APLF: variants seen among roughly 807,000 people sequenced by gnomAD.
APLF encodes the protein aprataxin and PNK-like factor.
A neutral mutation model predicts 55.6 loss-of-function variants in APLF; 61 were observed. That is an observed-to-expected ratio of 1.10 (90% CI 0.89 to 1.36). The LOEUF is 1.36. Ranked by LOEUF, APLF falls within the 40% of genes most tolerant of loss-of-function variation. The pLI, the probability that APLF is intolerant of heterozygous loss-of-function variation, is 0.00. For synonymous variants in APLF, 207 were observed against 214.8 expected, an observed-to-expected ratio of 0.96 and a Z score of 0.32; for missense variants, 611 against 602.5, an observed-to-expected ratio of 1.01 and a Z score of -0.15.
chr2:68,528,625 C>T, intron 6 of APLF: 1 of 1,533,642 alleles, frequency 6.5e-7, no homozygotes, highest in Non-Finnish European at 8.7e-7. Flanking sequence ...CTTTACCCAG[C>T]ACCTTCAAGG....
chr2:68,468,530 CATACATT>C (rs1675506681), intron 1 of APLF, among the ~76,000 whole-genome samples: 1 of 152,144 alleles, frequency 6.6e-6, no homozygotes, highest in Admixed American at 6.5e-5. Flanking sequence ...TTGAGCCATA[CATACATT>C]ATTTAAAGTC....
intron 5 of APLF, 66 bp downstream of exon 5, chr2:68,513,746 T>C: frequency 6.4e-7 from 1 of 1,559,578 alleles, no homozygotes; most frequent in Non-Finnish European, 8.7e-7. Flanking sequence ...AAAGCTTTTC[T>C]GAAGAAAAAC....
At position 68,573,883 on chromosome 2, in the gene APLF, T is replaced by G. The variant is rs949391944; in HGVS notation, c.1334-3937T>G. Among the ~76,000 whole-genome samples the G allele has an allele frequency of 1.1e-4, 13 of 121,420 alleles. No homozygotes were observed. In the East Asian group the frequency reaches 2.0e-3, roughly 18 times the overall value. The allele number at this position is 121,420 out of a possible 152,430, so 79.7% of individuals were successfully genotyped here. ...CTAATGATATCTCAATAAGACAGTT[T>G]CCTTTCAGATTCAGAAATCACTTAA... On this transcript the variant is annotated intron_variant, in intron 9 of 9. Coordinates refer to ENST00000303795, the MANE Select transcript of APLF (RefSeq NM_173545.3).
At chr2:68,524,899 A>G (rs1669989336) in intron 5 of APLF, among the ~76,000 whole-genome samples, 2 of 152,198 alleles carry the variant, frequency 1.3e-5, no homozygotes, top group African/African-American at 4.8e-5. Flanking sequence ...AAAATATGAT[A>G]GTGTCTTAGG....
chr2:68,505,088 GT>G (rs1192601108), intron 3 of APLF, among the ~76,000 whole-genome samples: 1 of 152,064 alleles, frequency 6.6e-6, no homozygotes, highest in African/African-American at 2.4e-5. Context: ...TTAAATGTAA[GT>G]GGAAAAAAAT....
intron 1 of APLF, among the ~76,000 whole-genome samples, chr2:68,480,005 T>C (rs1441017398): frequency 6.6e-6 from 1 of 152,212 alleles, no homozygotes; most frequent in African/African-American, 2.4e-5. Flanking sequence ...TCTAGCTTAT[T>C]ATAAGAATAT....
chr2:68,530,937 G>A (rs1670236716), intron 6 of APLF, among the ~76,000 whole-genome samples: 2 of 152,218 alleles, frequency 1.3e-5, no homozygotes, highest in South Asian at 2.1e-4. Context: ...GTCATAATTT[G>A]GCACCTCCAT....
intron 2 of APLF, among the ~76,000 whole-genome samples, chr2:68,494,277 C>CAAAAA (rs59466460): frequency 0.011 from 507 of 46,054 alleles, no homozygotes; most frequent in Middle Eastern, 0.027. Context: ...GACCCCGTCT[C>CAAAAA]AAAAAAAAAA....
intron 5 of APLF, among the ~76,000 whole-genome samples, chr2:68,523,703 T>C (rs1400490514): frequency 6.6e-6 from 1 of 151,914 alleles, no homozygotes; most frequent in Non-Finnish European, 1.5e-5. Flanking sequence ...ATAGTTAAAA[T>C]CAAGCTGTTT....
At chr2:68,516,906 A>T (rs1669596307) in intron 5 of APLF, among the ~76,000 whole-genome samples, 1 of 130,722 alleles carries the variant, frequency 7.6e-6, no homozygotes, top group South Asian at 2.2e-4. Context: ...AATATATTAT[A>T]TATCCTATAT....
Position 68,547,588 on chromosome 2 carries a change from G to C in APLF, c.1286+2276G>C, listed in dbSNP as rs534106664. 1.7e-3 allele frequency among the ~76,000 whole-genome samples: 260 copies of C among 151,724 alleles called. 4 individuals are homozygous for C. The highest frequency in any genetic ancestry group is 6.1e-3 in the African/African-American group (253 of 41,502). On this transcript the variant is annotated intron_variant, in intron 8 of 9. Coordinates refer to ENST00000303795, the MANE Select transcript of APLF (RefSeq NM_173545.3). ...ATATTTATGAAAAGGGACGTTGCAGGTATTGAGAAAAATGAATTTTTTCAA... is the reference window on the plus strand; with the variant it reads ...ATATTTATGAAAAGGGACGTTGCAGCTATTGAGAAAAATGAATTTTTTCAA...
Position 68,490,332 on chromosome 2 carries a change from A to G in APLF, c.168+71A>G. On this transcript the variant is annotated intron_variant, in intron 2 of 9. Coordinates refer to ENST00000303795, the MANE Select transcript of APLF (RefSeq NM_173545.3). ...TTTCAGTTCCCAAGCAGAGGTGCCT[A>G]TTTTCTAAGGTTATGGGAATAGGGA... is the stretch of plus-strand genomic sequence containing the variant. 4.6e-6 allele frequency: 6 copies of G among 1,306,446 alleles called. No homozygotes were observed. In the South Asian group the frequency reaches 5.3e-5, roughly 11 times the overall value. 80.9% of individuals were successfully genotyped at this position (1,306,446 alleles called of 1,614,324 possible). A position where few individuals can be genotyped will look rare whatever the true frequency, so the allele number is the denominator to read the frequency against.
intron 5 of APLF, 124 bp downstream of exon 5, chr2:68,513,804 G>A (rs749634560): frequency 1.8e-6 from 2 of 1,102,288 alleles, no homozygotes; most frequent in Non-Finnish European, 2.5e-6. Context: ...TAAGTGTATA[G>A]CCTAGCCTAG....
chr2:68,525,962 C>A, intron 5 of APLF, 99 bp from the exon 6 acceptor site: 2 of 1,173,122 alleles, frequency 1.7e-6, no homozygotes, highest in Non-Finnish European at 1.2e-6. Context: ...GTTGGCCAGG[C>A]TGGTCTCGAA....
In APLF at chr2:68,531,734, T is replaced by A. The variant is rs1018469684; in HGVS notation, c.804+5492T>A. On this transcript the variant is annotated intron_variant, in intron 6 of 9. Coordinates refer to ENST00000303795, the MANE Select transcript of APLF (RefSeq NM_173545.3). ...TGCCTTTTTTCAAGAGAAATTATTGTGTTCAGAAGAAAATCTGTAGTATAC... is the reference window on the plus strand; with the variant it reads ...TGCCTTTTTTCAAGAGAAATTATTGAGTTCAGAAGAAAATCTGTAGTATAC... Among the ~76,000 whole-genome samples, 4 of 152,248 alleles carry A rather than the reference T, an allele frequency of 2.6e-5. No individual in the cohort carries two copies. The East Asian group carries it at 7.7e-4, about 29-fold the overall frequency.
intron 6 of APLF, among the ~76,000 whole-genome samples, chr2:68,531,675 C>G (rs1670261110): frequency 6.6e-6 from 1 of 152,204 alleles, no homozygotes; most frequent in Non-Finnish European, 1.5e-5. Context: ...CTTATGTACT[C>G]TATTCTCTGA....
At chr2:68,527,859 G>A (rs923656770) in intron 6 of APLF, among the ~76,000 whole-genome samples, 2 of 146,242 alleles carry the variant, frequency 1.4e-5, no homozygotes, top group Non-Finnish European at 3.0e-5. Flanking sequence ...CCCAGACGGT[G>A]GAGTAGCCGG....
chr2:68,517,207 A>G (rs1317622617), intron 5 of APLF, among the ~76,000 whole-genome samples: 27 of 125,758 alleles, frequency 2.1e-4, no homozygotes, highest in Non-Finnish European at 3.7e-4. Flanking sequence ...ATATTAATAT[A>G]TGTTATTGAT....
chr2:68,515,814 C>T, intron 5 of APLF: 2 of 860,530 alleles, frequency 2.3e-6, no homozygotes, highest in Non-Finnish European at 2.8e-6. Flanking sequence ...CCTTTAAAGA[C>T]AGTTTAGTAC....
Sources: gnomAD v4.1 joint callset for allele counts (sites outside exome capture counted in the v4.1 genomes callset) on GRCh38, gnomAD v4.1.1 for gene constraint, MANE v1.5 for transcripts, NCBI Gene and HGNC (gene_info 2026-07-23, HGNC 2026-07-21) for gene names.